The following ARHGEF7 variants were observed in gnomAD, a reference collection of about 807,000 sequenced individuals.
ARHGEF7 encodes the protein Rho guanine nucleotide exchange factor 7, also known as PAK-interacting exchange factor beta.
ARHGEF7 carries 33 observed loss-of-function variants against 109.8 expected under a neutral mutation model. That is an observed-to-expected ratio of 0.30 (90% CI 0.23 to 0.40). ARHGEF7 has a LOEUF of 0.40. ARHGEF7 is among the 10% of genes least tolerant of loss of function. The pLI is 1.00. For missense variants in ARHGEF7, 938 were observed against 1,098.5 expected (o/e 0.85, Z 2.07); for synonymous variants, 458 against 424.6 (o/e 1.08, Z -0.97).
At chr13:111,247,631 A>G (rs575056720) in intron 8 of ARHGEF7, among the ~76,000 whole-genome samples, 3 of 152,012 alleles carry the variant, frequency 2.0e-5, no homozygotes, top group Admixed American at 2.0e-4. Flanking sequence ...TGATTCGTAG[A>G]TGTCCAGGCC....
chr13:111,256,675 C>CT (rs1398552005), intron 8 of ARHGEF7, among the ~76,000 whole-genome samples: 4 of 152,210 alleles, frequency 2.6e-5, no homozygotes, highest in African/African-American at 9.6e-5. Flanking sequence ...CTGTTGATTT[C>CT]TTTTTAGAAA....
In ARHGEF7 at chr13:111,304,362, A is replaced by T. The variant is rs977824815; in HGVS notation, c.*1249A>T. 1 of 152,272 alleles carries T rather than the reference A, an allele frequency of 6.6e-6. No homozygotes were observed. The highest frequency in any genetic ancestry group is 2.4e-5 in the African/African-American group (1 of 41,468). 9.4% of individuals were successfully genotyped at this position (152,272 alleles called of 1,614,324 possible). A position where few individuals can be genotyped will look rare whatever the true frequency, so the allele number is the denominator to read the frequency against. ...GAGCAGGTTTTCGTTCTGCTTCAGC[A>T]ATAAATAAGGGTGACCACAGGGACT... On this transcript the variant is annotated 3_prime_UTR_variant, in exon 22 of 22. Coordinates refer to ENST00000646102, the MANE Select transcript of ARHGEF7 (RefSeq NM_001354046.2).
At chr13:111,196,220 G>A (rs1232615063) in intron 2 of ARHGEF7, among the ~76,000 whole-genome samples, 1 of 152,122 alleles carries the variant, frequency 6.6e-6, no homozygotes, top group East Asian at 1.9e-4. Context: ...CTAGAACACA[G>A]GTCAACAGAT....
chr13:111,131,948 G>C lies in ARHGEF7; in HGVS notation c.165+16257G>C, dbSNP rs994613300. On this transcript the variant is annotated intron_variant, in intron 1 of 21. Coordinates refer to ENST00000646102, the MANE Select transcript of ARHGEF7 (RefSeq NM_001354046.2). This position sits in a 1 kb window ranked among gnomAD's most constrained non-coding sequence, Gnocchi z 4.4. ...ATAGAGTTGTGGAGTATGAGAGAGGGGTGGACTCAGTGAGGGGGTGGACCG... is the reference window on the plus strand; with the variant it reads ...ATAGAGTTGTGGAGTATGAGAGAGGCGTGGACTCAGTGAGGGGGTGGACCG... Among the ~76,000 whole-genome samples the C allele has an allele frequency of 4.1e-4, 63 of 152,234 alleles. No individual in the cohort carries two copies. Among genetic ancestry groups the C allele is most frequent in the African/African-American group, 1.5e-3 (61 of 41,538 alleles).
At chr13:111,210,180 A>G (rs1453204434) in intron 4 of ARHGEF7, among the ~76,000 whole-genome samples, 178 bp downstream of exon 4, 2 of 152,242 alleles carry the variant, frequency 1.3e-5, no homozygotes, top group African/African-American at 2.4e-5. Flanking sequence ...CAGATGATCC[A>G]GATATTATGC....
chr13:111,128,217 A>G (rs1021407157), intron 1 of ARHGEF7, among the ~76,000 whole-genome samples: 1 of 152,230 alleles, frequency 6.6e-6, no homozygotes, highest in Non-Finnish European at 1.5e-5. Flanking sequence ...CAGTACAATC[A>G]AGCAAGAAAA....
At chr13:111,275,127 T>A (rs1434535162) in intron 11 of ARHGEF7, among the ~76,000 whole-genome samples, 1 of 152,252 alleles carries the variant, frequency 6.6e-6, no homozygotes. Context: ...TCTTACCAAC[T>A]GCGTTTTGGA....
intron 3 of ARHGEF7, among the ~76,000 whole-genome samples, chr13:111,206,420 C>T (rs989826732): frequency 6.6e-6 from 1 of 152,078 alleles, no homozygotes; most frequent in Non-Finnish European, 1.5e-5. Flanking sequence ...ATGCTGATGC[C>T]CCGGCGAGAG....
chr13:111,185,972 G>A (rs560579019), intron 2 of ARHGEF7, among the ~76,000 whole-genome samples: 1 of 136,952 alleles, frequency 7.3e-6, no homozygotes, highest in Non-Finnish European at 1.6e-5. Context: ...GTGTGTGTGT[G>A]TGTGTGTGTG....
chr13:111,126,032 A>G (rs916800438), intron 1 of ARHGEF7, among the ~76,000 whole-genome samples: 6 of 152,208 alleles, frequency 3.9e-5, no homozygotes, highest in Non-Finnish European at 5.9e-5. Context: ...ACCTTGAGCA[A>G]TGTCATTGGG....
rs1219459349 is a variant in ARHGEF7 at position 111,127,654 on chromosome 13, A to C, written c.165+11963A>C. Reference sequence around the variant, plus strand: ...AGAGTGAGACTCTGTTTCAGAAAAAAAAAAAAAAAAAAAAAAAAAGAAGGA... The same window carrying C: ...AGAGTGAGACTCTGTTTCAGAAAAACAAAAAAAAAAAAAAAAAAAGAAGGA... On this transcript the variant is annotated intron_variant, in intron 1 of 21. Transcript: ENST00000646102. 2.1e-5 allele frequency among the ~76,000 whole-genome samples: 3 copies of C among 145,080 alleles called. No individual in the cohort carries two copies. The East Asian group carries it at 5.8e-4, about 28-fold the overall frequency.
At chr13:111,230,579 A>G (rs960444592) in intron 5 of ARHGEF7, among the ~76,000 whole-genome samples, 23 of 152,338 alleles carry the variant, frequency 1.5e-4, no homozygotes, top group Admixed American at 1.2e-3. Flanking sequence ...ATCAGAAGCC[A>G]GGAGTGGCCT....
In ARHGEF7 at chr13:111,115,647, C is replaced by A; in HGVS notation, c.121C>A (p.Leu41Ile). ...LQASLKDGVV[L>I]CRLLERLLPG... ...GGCGTCGCTGAAGGATGGGGTGGTC[C>A]TCTGCAGGCTGCTGGAGCGCCTGCT... is the stretch of plus-strand genomic sequence containing the variant. The change falls in exon 1 of 22, where the codon CTC (leucine) becomes ATC (isoleucine). Residue 41 changes from leucine (L) to isoleucine (I), a missense_variant. Physicochemically the swap from Leu to Ile is conservative, Grantham distance 5 (BLOSUM62 2). This residue lies in a region of ARHGEF7 where 165 missense variants were observed against 125.8 expected (regional missense o/e 1.31). Transcript: ENST00000646102. 7.3e-7 allele frequency: 1 copy of A among 1,362,242 alleles called. No individual in the cohort carries two copies. Among genetic ancestry groups the A allele is most frequent in the Non-Finnish European group, 9.6e-7 (1 of 1,045,980 alleles). The allele number at this position is 1,362,242 out of a possible 1,614,324, so 84.4% of individuals were successfully genotyped here. A position where few individuals can be genotyped will look rare whatever the true frequency, so the allele number is the denominator to read the frequency against.
intron 2 of ARHGEF7, among the ~76,000 whole-genome samples, chr13:111,192,907 C>T (rs886431757): frequency 6.6e-6 from 1 of 152,142 alleles, no homozygotes; most frequent in Non-Finnish European, 1.5e-5. Context: ...TATTGAAATC[C>T]CTTCGACTTA....
At chr13:111,240,448 G>A (rs896190278) in intron 6 of ARHGEF7, among the ~76,000 whole-genome samples, 6 of 152,294 alleles carry the variant, frequency 3.9e-5, no homozygotes, top group Non-Finnish European at 5.9e-5. Context: ...ATCAGCAACC[G>A]TGTGGTCGGG....
Position 111,239,203 on chromosome 13 carries a change from A to G in ARHGEF7, c.760-4669A>G, listed in dbSNP as rs1304720359. On this transcript the variant is annotated intron_variant, in intron 6 of 21. Transcript: ENST00000646102. The surrounding 1 kb of genome is among the most constrained non-coding windows in gnomAD (Gnocchi z 4.3). ...TGACACATGGGGATTATTACAATTC[A>G]GGGTGAGATTTGGGTGGGCCATAGA... 1.3e-5 allele frequency among the ~76,000 whole-genome samples: 2 copies of G among 152,206 alleles called. No individual in the cohort carries two copies. The highest frequency in any genetic ancestry group is 4.8e-5 in the African/African-American group (2 of 41,464).
chr13:111,153,808 G>A lies in ARHGEF7; in HGVS notation c.166-97G>A. The A allele has an allele frequency of 2.8e-6, 4 of 1,447,782 alleles. No individual in the cohort carries two copies. The South Asian group carries it at 5.7e-5, about 21-fold the overall frequency. The allele number at this position is 1,447,782 out of a possible 1,614,324, so 89.7% of individuals were successfully genotyped here. On this transcript the variant is annotated intron_variant, in intron 1 of 21. Transcript: ENST00000646102. ...CGGGGGCCGCTCGCCAGCGTCGCCC[G>A]CTGTGTTGGGAGCGCGGGCCGTGGG...
intron 21 of ARHGEF7, among the ~76,000 whole-genome samples, chr13:111,302,436 T>C (rs550838778): frequency 6.6e-6 from 1 of 152,364 alleles, no homozygotes; most frequent in Non-Finnish European, 1.5e-5. Flanking sequence ...ACATGTGCTG[T>C]CATTCTAAGC....
intron 6 of ARHGEF7, among the ~76,000 whole-genome samples, chr13:111,242,935 A>C (rs1478091540): frequency 6.6e-6 from 1 of 152,188 alleles, no homozygotes; most frequent in Admixed American, 6.5e-5. Flanking sequence ...AAGCATTCCT[A>C]CTTGGTTTCA....
Sources: gnomAD v4.1 joint callset for allele counts (sites outside exome capture counted in the v4.1 genomes callset) on GRCh38, gnomAD v4.1.1 for gene constraint, gnomAD v4.1.1 regional missense constraint, Gnocchi (gnomAD v3.1) non-coding constraint, MANE v1.5 for transcripts, NCBI Gene and HGNC (gene_info 2026-07-23, HGNC 2026-07-21) for gene names.